The following TGFB2 variants were observed in gnomAD, a reference collection of about 807,000 sequenced individuals.
TGFB2 encodes the protein transforming growth factor beta 2.
Under a neutral mutation model 42.7 loss-of-function variants are expected in TGFB2, and 13 were observed. The observed-to-expected ratio is 0.30, with a 90% confidence interval of 0.20 to 0.48. The LOEUF is 0.48. Ranked by LOEUF, TGFB2 falls within the 20% of genes least tolerant of loss-of-function variation. The pLI, the probability that TGFB2 is intolerant of heterozygous loss-of-function variation, is 0.99. For missense variants in TGFB2, 390 were observed against 517.5 expected (o/e 0.75, Z 2.39); for synonymous variants, 193 against 193.6 (o/e 1.00, Z 0.03).
chr1:218,431,996 C>T lies in TGFB2; in HGVS notation c.511-2086C>T, dbSNP rs867052442. The stretch of plus-strand genomic sequence containing the variant: ...TATACGTTCCACTATCTTATATTTT[C>T]ATCTTGTACCAGCATTTATTTTAAT... On this transcript the variant is annotated intron_variant, in intron 2 of 6. Transcript: ENST00000366930. Among the ~76,000 whole-genome samples the T allele has an allele frequency of 3.3e-5, 5 of 152,268 alleles. No homozygotes were observed. The South Asian group carries it at 1.0e-3, about 32-fold the overall frequency.
At chr1:218,407,651 A>G (rs565610783) in intron 2 of TGFB2, among the ~76,000 whole-genome samples, 1 of 152,324 alleles carries the variant, frequency 6.6e-6, no homozygotes, top group East Asian at 1.9e-4. Context: ...TTCTGCTATT[A>G]TATTCTTTTC....
intron 1 of TGFB2, among the ~76,000 whole-genome samples, chr1:218,388,192 T>C (rs531264053): frequency 7.6e-4 from 116 of 152,302 alleles, no homozygotes; most frequent in Middle Eastern, 3.4e-3. Flanking sequence ...GTGCAGTTAG[T>C]TGTTTTCAAT....
intron 1 of TGFB2, among the ~76,000 whole-genome samples, chr1:218,393,626 G>A (rs1215125394): frequency 6.6e-6 from 1 of 152,110 alleles, no homozygotes; most frequent in Non-Finnish European, 1.5e-5. Context: ...AGATTGAAGG[G>A]AAGTGAGAAA....
Position 218,346,880 on chromosome 1 carries a change from C to T in TGFB2, c.179C>T (p.Pro60Leu). Reference protein sequence around the residue: ...LTSPPEDYPEPEEVPPEVISI... With the variant: ...LTSPPEDYPELEEVPPEVISI... ...AGTCCCCCAGAAGACTATCCTGAGC[C>T]CGAGGAAGTCCCCCCGGAGGTGATT... is the stretch of plus-strand genomic sequence containing the variant. The change falls in exon 1 of 7, where the codon CCC becomes CTC. Residue 60 changes from proline to leucine, a missense_variant. By Grantham distance (98) the Pro-to-Leu change is moderately conservative (BLOSUM62 -3). Coordinates refer to ENST00000366930, the MANE Select transcript of TGFB2 (RefSeq NM_003238.6). This position sits in a 1 kb window ranked among gnomAD's most constrained non-coding sequence, Gnocchi z 4.9. 6.2e-7 allele frequency: 1 copy of T among 1,614,158 alleles called. No individual in the cohort carries two copies. Among genetic ancestry groups the T allele is most frequent in the Non-Finnish European group, 8.5e-7 (1 of 1,180,042 alleles).
In TGFB2 at chr1:218,368,574, A is replaced by G. The variant is rs929694690; in HGVS notation, c.346+21527A>G. Among the ~76,000 whole-genome samples, 17 of 152,272 alleles carry G rather than the reference A, an allele frequency of 1.1e-4. 1 individual carries two copies. The highest frequency in any genetic ancestry group is 4.1e-4 in the African/African-American group (17 of 41,476). ...ATAGATAATCAATAATAAAGATGAA[A>G]TAAGAATTTAGAATTGGATAAATGT... On this transcript the variant is annotated intron_variant, in intron 1 of 6. Transcript: ENST00000366930.
intron 1 of TGFB2, among the ~76,000 whole-genome samples, chr1:218,371,526 A>G (rs1032980288): frequency 6.6e-6 from 1 of 152,096 alleles, no homozygotes; most frequent in African/African-American, 2.4e-5. Flanking sequence ...AGATGAGTTT[A>G]TCTATTTTAA....
Position 218,443,309 on chromosome 1 carries a change from AAATT to A in TGFB2, c.*1951_*1954del, listed in dbSNP as rs1409748186. On this transcript the variant is annotated 3_prime_UTR_variant, in exon 7 of 7. Transcript: ENST00000366930. ...TGTCGCTTATTTAGCTTTAAAATAAAAATTAATAGGCAAAGCAATGGAATATTTG... is the reference window on the plus strand; with the variant it reads ...TGTCGCTTATTTAGCTTTAAAATAAAAATAGGCAAAGCAATGGAATATTTG... The A allele has an allele frequency of 6.6e-6, 1 of 152,244 alleles. No individual in the cohort carries two copies. The highest frequency in any genetic ancestry group is 6.5e-5 in the Admixed American group (1 of 15,278). The allele number at this position is 152,244 out of a possible 1,614,324, so 9.4% of individuals were successfully genotyped here.
intron 1 of TGFB2, among the ~76,000 whole-genome samples, chr1:218,392,221 C>T (rs938979547): frequency 7.9e-5 from 12 of 152,112 alleles, no homozygotes; most frequent in African/African-American, 2.4e-4. Context: ...GGTATGGTGG[C>T]GGGTGCCTGC....
intron 2 of TGFB2, 147 bp from the exon 3 acceptor site, chr1:218,433,935 T>C: frequency 9.6e-7 from 1 of 1,038,096 alleles, no homozygotes; most frequent in South Asian, 1.7e-5. Flanking sequence ...TTTATGCATG[T>C]GACCATGCAA....
chr1:218,416,109 G>A lies in TGFB2; in HGVS notation c.510+10777G>A, dbSNP rs147282094. Among the ~76,000 whole-genome samples, 436 of 147,364 alleles carry A rather than the reference G, an allele frequency of 3.0e-3. 2 individuals carry two copies. The highest frequency in any genetic ancestry group is 4.9e-3 in the Non-Finnish European group (321 of 65,568). On this transcript the variant is annotated intron_variant, in intron 2 of 6. Transcript: ENST00000366930. The stretch of plus-strand genomic sequence containing the variant: ...CATTTGCTTTATCAAGATGTTAAGG[G>A]CTGCAGTGCTGAACTGGGGGCTGTG...
At chr1:218,360,337 T>C (rs571833205) in intron 1 of TGFB2, among the ~76,000 whole-genome samples, 108 of 152,384 alleles carry the variant, frequency 7.1e-4, no homozygotes, top group African/African-American at 2.5e-3. Flanking sequence ...TTCCTAGTCA[T>C]TTAATTACTT....
At chr1:218,434,785 G>C (rs1402016654) in intron 4 of TGFB2, among the ~76,000 whole-genome samples, 1 of 152,158 alleles carries the variant, frequency 6.6e-6, no homozygotes, top group African/African-American at 2.4e-5. Context: ...AAGATAGAAT[G>C]TGTTTAAGAA....
At position 218,435,833 on chromosome 1, in the gene TGFB2, G is replaced by C. The variant is rs1445557893; in HGVS notation, c.755-137G>C. On this transcript the variant is annotated intron_variant, in intron 4 of 6. Coordinates refer to ENST00000366930, the MANE Select transcript of TGFB2 (RefSeq NM_003238.6). Reference sequence around the variant, plus strand: ...GTTGTGCCATATCTATTTCCATGGGGAATAACTGTTGCCAGCTGATGCTGC... The same window carrying C: ...GTTGTGCCATATCTATTTCCATGGGCAATAACTGTTGCCAGCTGATGCTGC... The C allele has an allele frequency of 6.1e-6, 5 of 818,486 alleles. No homozygotes were observed. The East Asian group carries it at 1.2e-4, about 20-fold the overall frequency. The allele number at this position is 818,486 out of a possible 1,614,324, so 50.7% of individuals were successfully genotyped here.
intron 2 of TGFB2, 74 bp from the exon 3 acceptor site, chr1:218,434,008 T>C: frequency 1.3e-6 from 2 of 1,582,290 alleles, no homozygotes; most frequent in Non-Finnish European, 1.7e-6. Flanking sequence ...ATTAGAACAC[T>C]GTTAATAGTT....
At chr1:218,428,972 CTTTTT>C (rs34950123) in intron 2 of TGFB2, among the ~76,000 whole-genome samples, 4 of 95,878 alleles carry the variant, frequency 4.2e-5, no homozygotes, top group African/African-American at 1.2e-4. Flanking sequence ...CCATGAGCAT[CTTTTT>C]TTTTTTTTTT....
intron 2 of TGFB2, among the ~76,000 whole-genome samples, chr1:218,412,678 CG>C (rs1659140054): frequency 6.6e-6 from 1 of 152,132 alleles, no homozygotes; most frequent in African/African-American, 2.4e-5. Context: ...ATGTCTATGA[CG>C]GCCAGGTGGG....
chr1:218,392,265 A>G (rs1234628052), intron 1 of TGFB2, among the ~76,000 whole-genome samples: 1 of 152,204 alleles, frequency 6.6e-6, no homozygotes, highest in Non-Finnish European at 1.5e-5. Flanking sequence ...AGGCAGGAGA[A>G]TGGTGTGAAC....
At chr1:218,398,828 G>A (rs1658614661) in intron 1 of TGFB2, among the ~76,000 whole-genome samples, 1 of 152,252 alleles carries the variant, frequency 6.6e-6, no homozygotes, top group Middle Eastern at 3.4e-3. Context: ...CTCGCGATCT[G>A]CCTGCCTCAG....
intron 4 of TGFB2, among the ~76,000 whole-genome samples, chr1:218,435,514 T>C (rs2102627960): frequency 6.6e-6 from 1 of 152,328 alleles, no homozygotes; most frequent in African/African-American, 2.4e-5. Context: ...TTCAGTTAAG[T>C]CTCAGTTTAT....
Sources: gnomAD v4.1 joint callset for allele counts (sites outside exome capture counted in the v4.1 genomes callset) on GRCh38, gnomAD v4.1.1 for gene constraint, Gnocchi (gnomAD v3.1) non-coding constraint, MANE v1.5 for transcripts, NCBI Gene and HGNC (gene_info 2026-07-23, HGNC 2026-07-21) for gene names.